Variants in MGMT observed in about 807,000 individuals in gnomAD.
MGMT encodes the protein O-6-methylguanine-DNA methyltransferase.
A neutral mutation model predicts 15.9 loss-of-function variants in MGMT; 14 were observed. That is an observed-to-expected ratio of 0.88 (90% CI 0.58 to 1.37). The LOEUF is 1.37. Ranked by LOEUF, MGMT falls within the 40% of genes most tolerant of loss-of-function variation. MGMT has a pLI of 0.00. For missense variants in MGMT, 282 were observed against 268.1 expected (o/e 1.05, Z -0.36); for synonymous variants, 130 against 118.2 (o/e 1.10, Z -0.65).
chr10:129,546,366 C>T (rs761541388), intron 2 of MGMT, among the ~76,000 whole-genome samples: 17 of 152,214 alleles, frequency 1.1e-4, no homozygotes, highest in Admixed American at 3.9e-4. Flanking sequence ...CGAGTTAGGA[C>T]ATCACTGGGT....
intron 3 of MGMT, among the ~76,000 whole-genome samples, chr10:129,718,018 C>G (rs1164359800): frequency 6.6e-6 from 1 of 152,162 alleles, no homozygotes; most frequent in East Asian, 1.9e-4. Context: ...TCTCTGTCAA[C>G]CCATGTGCTG....
At chr10:129,652,302 C>G (rs938068536) in intron 2 of MGMT, among the ~76,000 whole-genome samples, 1 of 152,186 alleles carries the variant, frequency 6.6e-6, no homozygotes, top group Non-Finnish European at 1.5e-5. Flanking sequence ...AGCCCCCGAG[C>G]GGAGACGCTG....
At chr10:129,592,784 T>C (rs542330730) in intron 2 of MGMT, among the ~76,000 whole-genome samples, 9 of 150,868 alleles carry the variant, frequency 6.0e-5, no homozygotes, top group Non-Finnish European at 1.2e-4. Flanking sequence ...TGTAAACCAG[T>C]GCAACTTTAA....
intron 3 of MGMT, among the ~76,000 whole-genome samples, chr10:129,736,362 T>C (rs1381273508): frequency 1.3e-5 from 2 of 151,786 alleles, no homozygotes; most frequent in Non-Finnish European, 2.9e-5. Context: ...AAGTGTGTTT[T>C]ATCAGAGACT....
At chr10:129,705,820 TC>T (rs1234630078) in intron 2 of MGMT, among the ~76,000 whole-genome samples, 1 of 151,950 alleles carries the variant, frequency 6.6e-6, no homozygotes, top group East Asian at 1.9e-4. Context: ...CAGGTCCCCT[TC>T]TGCACGGGGC....
intron 2 of MGMT, among the ~76,000 whole-genome samples, chr10:129,687,998 T>C (rs1295454026): frequency 6.6e-6 from 1 of 152,204 alleles, no homozygotes; most frequent in African/African-American, 2.4e-5. Flanking sequence ...GTTTCCAGCT[T>C]CATCCATGTC....
At chr10:129,724,147 G>A (rs1848406239) in intron 3 of MGMT, among the ~76,000 whole-genome samples, 3 of 152,182 alleles carry the variant, frequency 2.0e-5, no homozygotes, top group South Asian at 4.1e-4. Context: ...CTGTAGGAAA[G>A]TGGATAAATT....
At chr10:129,515,514 T>C (rs1011497746) in intron 1 of MGMT, among the ~76,000 whole-genome samples, 4 of 152,234 alleles carry the variant, frequency 2.6e-5, no homozygotes, top group African/African-American at 9.6e-5. Flanking sequence ...GCTGGCTCTT[T>C]AATGGGAAAG....
At position 129,704,123 on chromosome 10, in the gene MGMT, G is replaced by A. The variant is rs543558055; in HGVS notation, c.126-3772G>A. Among the ~76,000 whole-genome samples the A allele has an allele frequency of 2.0e-5, 3 of 152,080 alleles. No homozygotes were observed. The South Asian group carries it at 6.2e-4, about 32-fold the overall frequency. The stretch of plus-strand genomic sequence containing the variant: ...GATAGCATCAGTACACTGTTTATTC[G>A]GTTAGCAAAGAGCAGAGCAAGAATT... On this transcript the variant is annotated intron_variant, in intron 2 of 4. Coordinates refer to ENST00000651593, the MANE Select transcript of MGMT (RefSeq NM_002412.5).
At chr10:129,732,143 GCTC>G (rs1324037155) in intron 3 of MGMT, among the ~76,000 whole-genome samples, 1 of 131,940 alleles carries the variant, frequency 7.6e-6, no homozygotes. Flanking sequence ...TATGTTGTGG[GCTC>G]CTCCTTTTTT....
At position 129,663,353 on chromosome 10, in the gene MGMT, G is replaced by C. The variant is rs577637391; in HGVS notation, c.126-44542G>C. Among the ~76,000 whole-genome samples, 57 of 152,074 alleles carry C rather than the reference G, an allele frequency of 3.7e-4. 2 individuals are homozygous for C. Among genetic ancestry groups the C allele is most frequent in the Non-Finnish European group, 2.6e-4 (18 of 68,026 alleles). ...AAAGGCATAGTTAATGCAGTGATTA[G>C]AGAATTCATGACTGTAGACACCTAT... On this transcript the variant is annotated intron_variant, in intron 2 of 4. Coordinates refer to ENST00000651593, the MANE Select transcript of MGMT (RefSeq NM_002412.5).
At chr10:129,546,572 G>A (rs1263031236) in intron 2 of MGMT, among the ~76,000 whole-genome samples, 1 of 152,180 alleles carries the variant, frequency 6.6e-6, no homozygotes, top group African/African-American at 2.4e-5. Context: ...TTAACAAGTG[G>A]GTGGCCATGA....
At chr10:129,539,769 G>A (rs1194601072) in intron 2 of MGMT, among the ~76,000 whole-genome samples, 1 of 152,170 alleles carries the variant, frequency 6.6e-6, no homozygotes, top group East Asian at 1.9e-4. Context: ...GCCTCCCAAA[G>A]TGCTGGGATT....
chr10:129,748,430 T>G (rs1040371080), intron 3 of MGMT, among the ~76,000 whole-genome samples: 7 of 152,174 alleles, frequency 4.6e-5, no homozygotes, highest in Non-Finnish European at 8.8e-5. Flanking sequence ...TTCATTTCAT[T>G]TTGGAGTGTG....
intron 2 of MGMT, among the ~76,000 whole-genome samples, chr10:129,631,027 G>A (rs765925320): frequency 2.6e-5 from 4 of 152,144 alleles, no homozygotes; most frequent in East Asian, 1.9e-4. Context: ...AAATCTCATC[G>A]GTATCAATAG....
intron 1 of MGMT, among the ~76,000 whole-genome samples, chr10:129,517,797 G>A (rs867727815): frequency 6.7e-6 from 1 of 150,248 alleles, no homozygotes; most frequent in African/African-American, 2.5e-5. Flanking sequence ...GTGACCCCAC[G>A]GGAAAGCATA....
At chr10:129,599,998 G>A (rs1467773640) in intron 2 of MGMT, among the ~76,000 whole-genome samples, 2 of 152,128 alleles carry the variant, frequency 1.3e-5, no homozygotes, top group Non-Finnish European at 2.9e-5. Context: ...AGGTAGGTAG[G>A]TAGGTAGATG....
intron 2 of MGMT, among the ~76,000 whole-genome samples, chr10:129,571,656 C>T (rs1846421063): frequency 6.6e-6 from 1 of 152,142 alleles, no homozygotes; most frequent in Non-Finnish European, 1.5e-5. Flanking sequence ...GTCAACCATG[C>T]TGAGAGGTGG....
chr10:129,555,433 G>A (rs1013304446), intron 2 of MGMT, among the ~76,000 whole-genome samples: 1 of 152,174 alleles, frequency 6.6e-6, no homozygotes, highest in African/African-American at 2.4e-5. Context: ...TCCATAGGCC[G>A]GGCGTGGTGG....
Sources: gnomAD v4.1 joint callset for allele counts (sites outside exome capture counted in the v4.1 genomes callset) on GRCh38, gnomAD v4.1.1 for gene constraint, MANE v1.5 for transcripts, NCBI Gene and HGNC (gene_info 2026-07-23, HGNC 2026-07-21) for gene names.